Variants in RALGAPA1 observed in about 807,000 individuals in gnomAD.
RALGAPA1 encodes Ral GTPase activating protein catalytic subunit alpha 1, also known as ral GTPase-activating protein subunit alpha-1.
Under a neutral mutation model 269.6 loss-of-function variants are expected in RALGAPA1, and 52 were observed. The observed-to-expected ratio is 0.19, with a 90% confidence interval of 0.15 to 0.24. The LOEUF (loss-of-function observed/expected upper bound fraction) is 0.24. RALGAPA1 is among the 10% of genes least tolerant of loss of function. The pLI, the probability that RALGAPA1 is intolerant of heterozygous loss-of-function variation, is 1.00. For synonymous variants in RALGAPA1, 817 were observed against 1,008.3 expected, an observed-to-expected ratio of 0.81 and a Z score of 3.60; for missense variants, 1,917 against 3,013.9, an observed-to-expected ratio of 0.64 and a Z score of 8.52.
chr14:35,806,028 G>A (rs2077352954), intron 1 of RALGAPA1, among the ~76,000 whole-genome samples: 1 of 151,994 alleles, frequency 6.6e-6, no homozygotes, highest in South Asian at 2.1e-4. Flanking sequence ...GTCTATATTT[G>A]TTATCTTGAT....
At position 35,605,699 on chromosome 14, in the gene RALGAPA1, G is replaced by C. The variant is rs953398441; in HGVS notation, c.6940C>G (p.His2314Asp). The C allele has an allele frequency of 1.7e-5, 27 of 1,607,700 alleles. No homozygotes were observed. The highest frequency in any genetic ancestry group is 2.3e-5 in the Non-Finnish European group (27 of 1,178,306). ...NLDSRQCRET[H>D]KIAVFYVAEG... is the part of the protein sequence containing the mutation. ...GCAACATAAAATACTGCAATCTTGTGTGTCTCTCGGCTATAAAACAAAAGA... is the reference window on the plus strand; with the variant it reads ...GCAACATAAAATACTGCAATCTTGTCTGTCTCTCGGCTATAAAACAAAAGA... Residue 2314 changes from histidine to aspartate, a missense_variant, in exon 36 of 42, where the codon CAC becomes GAC. Physicochemically the swap from His to Asp is moderately conservative, Grantham distance 81. Around this residue, in one of 11 missense-constraint regions of RALGAPA1, gnomAD observed 132 missense variants for 271.2 expected, o/e 0.49. Coordinates refer to ENST00000680220, the MANE Select transcript of RALGAPA1 (RefSeq NM_001346249.2).
At chr14:35,645,272 A>C (rs898648276) in intron 31 of RALGAPA1, among the ~76,000 whole-genome samples, 1 of 151,914 alleles carries the variant, frequency 6.6e-6, no homozygotes, top group African/African-American at 2.4e-5. Flanking sequence ...ATCCCATGAC[A>C]CTGGGCATTA....
At chr14:35,792,118 A>C (rs987018877) in intron 1 of RALGAPA1, among the ~76,000 whole-genome samples, 14 of 152,054 alleles carry the variant, frequency 9.2e-5, no homozygotes, top group African/African-American at 3.1e-4. Flanking sequence ...TCACATAGGC[A>C]AAGGAAAGCC....
At chr14:35,612,060 C>T (rs763675500) in intron 35 of RALGAPA1, among the ~76,000 whole-genome samples, 7 of 152,010 alleles carry the variant, frequency 4.6e-5, no homozygotes, top group East Asian at 1.9e-4. Flanking sequence ...ACTGGGACAA[C>T]GAGATATCTA....
intron 17 of RALGAPA1, among the ~76,000 whole-genome samples, chr14:35,699,825 A>C (rs2067196685): frequency 6.6e-6 from 1 of 151,852 alleles, no homozygotes. Flanking sequence ...ATCTTTTACA[A>C]GACTTCTATT....
At chr14:35,657,192 CT>C (rs1322013761) in intron 28 of RALGAPA1, among the ~76,000 whole-genome samples, 137 of 143,852 alleles carry the variant, frequency 9.5e-4, no homozygotes, top group Middle Eastern at 3.5e-3. Flanking sequence ...TTTCTTTTTT[CT>C]TTTTTTTTTT....
chr14:35,642,486 GT>G (rs1228840454), intron 31 of RALGAPA1, among the ~76,000 whole-genome samples: 2 of 152,062 alleles, frequency 1.3e-5, no homozygotes, highest in Non-Finnish European at 2.9e-5. Context: ...AAGTTAATAT[GT>G]TCATATGACT....
chr14:35,570,744 C>T lies in RALGAPA1; in HGVS notation c.7369G>A (p.Val2457Ile), dbSNP rs756612149. The stretch of plus-strand genomic sequence containing the variant: ...TCAAAAAGGGGACCAAAGAAGGGAA[C>T]CTGATTGAGAAATCAGAACATAATT... ...FSIQIMKKPE[V>I]PFFGPLFDGA... The change falls in exon 39 of 42, where the codon GTT (valine) becomes ATT (isoleucine). Residue 2457 changes from valine to isoleucine, a missense_variant and splice_region_variant. By Grantham distance (29) the Val-to-Ile change is conservative (BLOSUM62 3). Transcript: ENST00000680220. 3 of 1,584,200 alleles carry T rather than the reference C, an allele frequency of 1.9e-6. No homozygotes were observed. The highest frequency in any genetic ancestry group is 1.4e-5 in the African/African-American group (1 of 73,170).
intron 1 of RALGAPA1, among the ~76,000 whole-genome samples, chr14:35,783,991 A>G (rs945433053): frequency 1.3e-5 from 2 of 152,154 alleles, no homozygotes; most frequent in Non-Finnish European, 2.9e-5. Flanking sequence ...ACTCTGGAAA[A>G]CAGTGTGGCA....
chr14:35,670,013 T>G (rs2064274339), intron 26 of RALGAPA1, among the ~76,000 whole-genome samples: 1 of 152,218 alleles, frequency 6.6e-6, no homozygotes, highest in Non-Finnish European at 1.5e-5. Flanking sequence ...CTCAGGGAAC[T>G]GGAAAAACAG....
intron 37 of RALGAPA1, among the ~76,000 whole-genome samples, chr14:35,579,756 A>G (rs368685805): frequency 2.0e-5 from 3 of 152,312 alleles, no homozygotes; most frequent in East Asian, 1.9e-4. Context: ...TCAGGAGTAT[A>G]TATGTAAAAA....
intron 12 of RALGAPA1, among the ~76,000 whole-genome samples, chr14:35,731,688 GAAAA>G (rs2070489984): frequency 6.6e-6 from 1 of 151,958 alleles, no homozygotes; most frequent in African/African-American, 2.4e-5. Flanking sequence ...CAAAGACAAA[GAAAA>G]AAGAATAAGA....
At chr14:35,611,128 T>A (rs1323040301) in intron 35 of RALGAPA1, among the ~76,000 whole-genome samples, 1 of 152,098 alleles carries the variant, frequency 6.6e-6, no homozygotes, top group Non-Finnish European at 1.5e-5. Context: ...CTTGGCTGAG[T>A]GTGGTCACTC....
At chr14:35,661,522 T>C (rs146932479) in intron 27 of RALGAPA1, among the ~76,000 whole-genome samples, 2 of 152,176 alleles carry the variant, frequency 1.3e-5, no homozygotes, top group African/African-American at 4.8e-5. Context: ...CAATAAAAGA[T>C]AAAGAGACAT....
intron 16 of RALGAPA1, among the ~76,000 whole-genome samples, chr14:35,720,005 G>A (rs2069238740): frequency 6.6e-6 from 1 of 152,174 alleles, no homozygotes; most frequent in South Asian, 2.1e-4. Context: ...GCCCGCCTTG[G>A]CCTCCCAAAG....
At chr14:35,771,536 C>T (rs2074619934) in intron 3 of RALGAPA1, among the ~76,000 whole-genome samples, 1 of 152,112 alleles carries the variant, frequency 6.6e-6, no homozygotes, top group Non-Finnish European at 1.5e-5. Flanking sequence ...CAATACTAAC[C>T]AGTACTTAGA....
intron 31 of RALGAPA1, among the ~76,000 whole-genome samples, chr14:35,638,742 T>C (rs2061821307): frequency 6.6e-6 from 1 of 151,990 alleles, no homozygotes; most frequent in South Asian, 2.1e-4. Context: ...CTGGCCTGCA[T>C]GGTGAAATCC....
intron 31 of RALGAPA1, among the ~76,000 whole-genome samples, chr14:35,640,496 C>T (rs569111663): frequency 5.1e-4 from 77 of 152,070 alleles, no homozygotes; most frequent in African/African-American, 1.7e-3. Context: ...CTAGAAGAAA[C>T]GGATAAACTC....
Position 35,738,664 on chromosome 14 carries a change from T to A in RALGAPA1, c.1450-14A>T. The A allele has an allele frequency of 6.3e-7, 1 of 1,597,376 alleles. No homozygotes were observed. The highest frequency in any genetic ancestry group is 8.5e-7 in the Non-Finnish European group (1 of 1,174,204). ...GGTCCCATTTTCCTGAAGCAAAATA[T>A]CAAGTTTTTAATATTTCATTACTAA... is the stretch of plus-strand genomic sequence containing the variant. On this transcript the variant is annotated splice_polypyrimidine_tract_variant and intron_variant, in intron 11 of 41. Coordinates refer to ENST00000680220, the MANE Select transcript of RALGAPA1 (RefSeq NM_001346249.2).
Sources: gnomAD v4.1 joint callset for allele counts (sites outside exome capture counted in the v4.1 genomes callset) on GRCh38, gnomAD v4.1.1 for gene constraint, gnomAD v4.1.1 regional missense constraint, MANE v1.5 for transcripts, NCBI Gene and HGNC (gene_info 2026-07-23, HGNC 2026-07-21) for gene names.